Variants in CDK7 observed in about 807,000 individuals in gnomAD.
CDK7 encodes cyclin-dependent kinase 7.
CDK7 carries 25 observed loss-of-function variants against 49.1 expected under a neutral mutation model. That is an observed-to-expected ratio of 0.51 (90% CI 0.37 to 0.71). The LOEUF (loss-of-function observed/expected upper bound fraction) is 0.71. Ranked by LOEUF, CDK7 falls within the 30% of genes least tolerant of loss-of-function variation. The pLI is 0.00. For synonymous variants in CDK7, 107 were observed against 140.0 expected, an observed-to-expected ratio of 0.76 and a Z score of 1.67; for missense variants, 316 against 411.7, an observed-to-expected ratio of 0.77 and a Z score of 2.01.
chr5:69,255,774 TAGTTGACG>T (rs1750446160), intron 5 of CDK7: 2 of 503,698 alleles, frequency 4.0e-6, no homozygotes, highest in African/African-American at 3.9e-5. Context: ...TTCCCATAGC[TAGTTGACG>T]TCATTTTTGG....
At chr5:69,236,239 TAAA>T (rs35402446) in intron 2 of CDK7, among the ~76,000 whole-genome samples, 58 of 136,610 alleles carry the variant, frequency 4.2e-4, no homozygotes, top group African/African-American at 7.7e-4. Context: ...GACTCCATCT[TAAA>T]AAAAAAAAAA....
intron 8 of CDK7, among the ~76,000 whole-genome samples, chr5:69,266,300 A>T (rs1048120879): frequency 6.6e-6 from 1 of 152,076 alleles, no homozygotes; most frequent in East Asian, 1.9e-4. Flanking sequence ...TCAAAAAAAA[A>T]GTTTAGGGCT....
At chr5:69,253,863 G>T (rs1056154527) in intron 3 of CDK7, among the ~76,000 whole-genome samples, 1 of 151,676 alleles carries the variant, frequency 6.6e-6, no homozygotes, top group East Asian at 2.0e-4. Context: ...CTTTGGGAGG[G>T]TGAGGTGGGT....
chr5:69,250,994 A>G (rs1198087122), intron 2 of CDK7, among the ~76,000 whole-genome samples: 2 of 151,994 alleles, frequency 1.3e-5, no homozygotes, highest in East Asian at 1.9e-4. Flanking sequence ...CAGTGGTGCA[A>G]TCATAGCTCA....
rs1427827097 is a variant in CDK7, at chr5:69,234,971, G to A, written c.-5G>A. 3 of 1,592,288 alleles carry A rather than the reference G, an allele frequency of 1.9e-6. No homozygotes were observed. The highest frequency in any genetic ancestry group is 1.8e-5 in the Admixed American group (1 of 56,206). ...TTCGGCTGGAGTCGGGCTTTACGGC[G>A]CCGGATGGCTCTGGACGTGAAGTCT... On this transcript the variant is annotated 5_prime_UTR_variant, in exon 1 of 12. Coordinates refer to ENST00000256443, the MANE Select transcript of CDK7 (RefSeq NM_001799.4).
chr5:69,273,106 A>G (rs1040660646), intron 10 of CDK7, 65 bp downstream of exon 10: 19 of 1,128,242 alleles, frequency 1.7e-5, no homozygotes, highest in Non-Finnish European at 2.2e-5. Context: ...GCATTGATAA[A>G]AATAGAATTT....
intron 5 of CDK7, 147 bp from the exon 6 acceptor site, chr5:69,257,896 T>C: frequency 1.7e-6 from 1 of 599,964 alleles, no homozygotes. Flanking sequence ...CTGGAGATTT[T>C]GACAGGGCTT....
intron 8 of CDK7, among the ~76,000 whole-genome samples, chr5:69,262,980 A>G (rs369502450): frequency 3.3e-5 from 5 of 152,174 alleles, no homozygotes; most frequent in Non-Finnish European, 7.4e-5. Flanking sequence ...GAAATGTATA[A>G]TACCAACCAC....
intron 2 of CDK7, among the ~76,000 whole-genome samples, chr5:69,243,796 T>C (rs184886994): frequency 7.9e-5 from 12 of 151,944 alleles, no homozygotes; most frequent in African/African-American, 2.9e-4. Context: ...TTTGGTGTGT[T>C]GTCTTCAATT....
At chr5:69,265,657 C>T (rs1050357567) in intron 8 of CDK7, among the ~76,000 whole-genome samples, 2 of 152,210 alleles carry the variant, frequency 1.3e-5, no homozygotes, top group Non-Finnish European at 2.9e-5. Context: ...CTCCTGTAAT[C>T]CCAGCACTTT....
intron 2 of CDK7, among the ~76,000 whole-genome samples, chr5:69,249,095 C>G (rs1749962283): frequency 6.6e-6 from 1 of 151,798 alleles, no homozygotes; most frequent in Admixed American, 6.6e-5. Context: ...TTTTAAGGCC[C>G]AAAACACTTA....
chr5:69,246,227 C>T (rs112253784), intron 2 of CDK7, among the ~76,000 whole-genome samples: 5,376 of 152,174 alleles, frequency 0.035, 144 homozygotes, highest in Middle Eastern at 0.092. Context: ...ATCTCCGCCT[C>T]CCAGGTTCAA....
chr5:69,242,096 T>C (rs1336334110), intron 2 of CDK7, among the ~76,000 whole-genome samples: 1 of 152,210 alleles, frequency 6.6e-6, no homozygotes, highest in Non-Finnish European at 1.5e-5. Flanking sequence ...ATGAGAGATA[T>C]GGGTCTAGTT....
intron 1 of CDK7, 109 bp downstream of exon 1, chr5:69,235,150 C>G (rs1748866818): frequency 9.2e-7 from 1 of 1,092,362 alleles, no homozygotes; most frequent in South Asian, 1.4e-5. Flanking sequence ...GCTGCTCGTT[C>G]TCGTTGGGGG....
chr5:69,238,647 CT>C (rs796578940), intron 2 of CDK7, among the ~76,000 whole-genome samples: 54 of 144,400 alleles, frequency 3.7e-4, no homozygotes, highest in African/African-American at 1.1e-3. Context: ...ACTTGTTATT[CT>C]TTTTTTTTTA....
chr5:69,248,896 T>A (rs1411489625), intron 2 of CDK7, among the ~76,000 whole-genome samples: 2 of 145,082 alleles, frequency 1.4e-5, no homozygotes, highest in African/African-American at 5.1e-5. Context: ...CTCTGCCTCC[T>A]GGGTTCAAGT....
At chr5:69,248,529 T>C (rs1561352767) in intron 2 of CDK7, among the ~76,000 whole-genome samples, 1 of 151,772 alleles carries the variant, frequency 6.6e-6, no homozygotes, top group Non-Finnish European at 1.5e-5. Flanking sequence ...GCTGGGATTA[T>C]AGTCATGTGC....
chr5:69,258,005 A>G, intron 5 of CDK7, 38 bp from the exon 6 acceptor site: 6 of 962,592 alleles, frequency 6.2e-6, no homozygotes, highest in Non-Finnish European at 9.8e-6. Context: ...TATTTGAAAT[A>G]ATAAAGGGTA....
intron 10 of CDK7, among the ~76,000 whole-genome samples, 179 bp downstream of exon 10, chr5:69,273,220 A>G (rs544626823): frequency 6.6e-6 from 1 of 152,178 alleles, no homozygotes; most frequent in East Asian, 1.9e-4. Flanking sequence ...TAAGACTGAG[A>G]TTAAATTATA....
Sources: gnomAD v4.1 joint callset for allele counts (sites outside exome capture counted in the v4.1 genomes callset) on GRCh38, gnomAD v4.1.1 for gene constraint, MANE v1.5 for transcripts, NCBI Gene and HGNC (gene_info 2026-07-23, HGNC 2026-07-21) for gene names.